FANCB: variants seen among roughly 807,000 people sequenced by gnomAD.
FANCB encodes the protein FA complementation group B.
FANCB carries 5 observed loss-of-function variants against 38.9 expected under a neutral mutation model. The observed-to-expected ratio is 0.13, with a 90% CI of 0.07 to 0.27. The LOEUF (loss-of-function observed/expected upper bound fraction) is 0.27, where lower values mean the gene tolerates loss of function less well. FANCB is among the 10% of genes least tolerant of loss of function. The probability of loss-of-function intolerance (pLI) is 1.00; values close to 1 mark genes in which losing one functional copy is unlikely to be tolerated. For synonymous variants in FANCB, 236 were observed against 215.4 expected (o/e 1.10, Z -0.84); for missense variants, 573 against 602.7 (o/e 0.95, Z 0.52).
chrX:14,772,504 C>T, the FANCB span, among the ~76,000 whole-genome samples: 1 of 112,241 alleles, frequency 8.9e-6, no homozygotes, highest in East Asian at 2.8e-4. Context: ...GTGGCAGCTG[C>T]CCCTCCTCCC....
chrX:14,851,621 T>C (rs1196773717), intron 6 of FANCB, among the ~76,000 whole-genome samples: 1 of 112,078 alleles, frequency 8.9e-6, no homozygotes, highest in African/African-American at 3.2e-5. Context: ...TTTTACTACC[T>C]GCCGCCAGGT....
At chrX:14,759,417 C>G in the FANCB span, among the ~76,000 whole-genome samples, 2 of 111,398 alleles carry the variant, frequency 1.8e-5, no homozygotes, top group Non-Finnish European at 3.8e-5. Flanking sequence ...GGCACATAGT[C>G]ATTAAGTTAT....
chrX:14,727,612 A>G, the FANCB span, among the ~76,000 whole-genome samples: 2 of 112,379 alleles, frequency 1.8e-5, no homozygotes, highest in East Asian at 5.6e-4. Context: ...ACACTGTAAT[A>G]ATTAATATAT....
the FANCB span, chrX:14,731,568 T>TTAAC: frequency 8.9e-6 from 1 of 111,983 alleles, no homozygotes; most frequent in Non-Finnish European, 1.9e-5. Flanking sequence ...TTAAATATCC[T>TTAAC]TAACTAACTT....
the FANCB span, among the ~76,000 whole-genome samples, chrX:14,758,521 G>A: frequency 1.8e-5 from 2 of 112,192 alleles, no homozygotes; most frequent in African/African-American, 6.5e-5. Flanking sequence ...ACGGCTGAGA[G>A]ACCTAAAGAC....
chrX:14,700,474 G>C, the FANCB span, among the ~76,000 whole-genome samples: 2 of 111,493 alleles, frequency 1.8e-5, no homozygotes, highest in Admixed American at 9.5e-5. Flanking sequence ...GAGAAGGTCA[G>C]ACGGCTATGT....
the FANCB span, among the ~76,000 whole-genome samples, chrX:14,759,930 A>G: frequency 1.2e-4 from 14 of 112,037 alleles, no homozygotes; most frequent in Non-Finnish European, 2.4e-4. Flanking sequence ...CCAAGGAGAA[A>G]TAAAATCCTT....
the FANCB span, chrX:14,731,217 T>C: frequency 8.9e-6 from 1 of 112,480 alleles, no homozygotes; most frequent in Non-Finnish European, 1.9e-5. Context: ...CATTTTAATA[T>C]TTTTCTTTCC....
chrX:14,740,308 A>G, the FANCB span, among the ~76,000 whole-genome samples: 3 of 111,365 alleles, frequency 2.7e-5, no homozygotes, highest in East Asian at 2.8e-4. Context: ...TTAGTCTTCA[A>G]TGCCTCCCCA....
At chrX:14,690,989 C>A in the FANCB span, 1 of 657,278 alleles carries the variant, frequency 1.5e-6, no homozygotes, top group Non-Finnish European at 2.3e-6. Context: ...TGTCCTACTA[C>A]ACTGACTTAG....
the FANCB span, among the ~76,000 whole-genome samples, chrX:14,799,863 T>C: frequency 1.8e-5 from 2 of 112,312 alleles, no homozygotes; most frequent in Non-Finnish European, 3.8e-5. Flanking sequence ...TAGTGTTTTT[T>C]GGGAAATAGA....
At chrX:14,846,722 GGA>G (rs1337315646) in intron 7 of FANCB, among the ~76,000 whole-genome samples, 2 of 110,116 alleles carry the variant, frequency 1.8e-5, no homozygotes, top group Non-Finnish European at 3.8e-5. Context: ...AGGAAATACA[GGA>G]GACAGAGAAA....
chrX:14,797,997 C>A, the FANCB span, among the ~76,000 whole-genome samples: 1 of 110,978 alleles, frequency 9.0e-6, no homozygotes, highest in Non-Finnish European at 1.9e-5. Flanking sequence ...AGCACACAGC[C>A]CTGTGATGGG....
chrX:14,871,170 G>A (rs2092494627), intron 1 of FANCB, among the ~76,000 whole-genome samples: 1 of 110,801 alleles, frequency 9.0e-6, no homozygotes, highest in East Asian at 2.8e-4. Context: ...GGAAGATTAC[G>A]CTAAAGAAGA....
intron 10 of FANCB, among the ~76,000 whole-genome samples, chrX:14,837,318 T>C (rs2092343833): frequency 8.9e-6 from 1 of 112,368 alleles, no homozygotes; most frequent in Non-Finnish European, 1.9e-5. Context: ...ACTTCAGAGA[T>C]TCTCAGGGCC....
the FANCB span, among the ~76,000 whole-genome samples, chrX:14,800,974 G>A: frequency 1.8e-5 from 2 of 111,568 alleles, no homozygotes; most frequent in African/African-American, 6.5e-5. Flanking sequence ...TTGTTTACAT[G>A]CTGAGCTGAT....
chrX:14,745,266 C>A, the FANCB span, among the ~76,000 whole-genome samples: 1 of 111,644 alleles, frequency 9.0e-6, no homozygotes, highest in African/African-American at 3.3e-5. Context: ...GGGGTTTGGG[C>A]TCCACTGACA....
the FANCB span, among the ~76,000 whole-genome samples, chrX:14,803,985 T>C: frequency 0.011 from 1,256 of 110,726 alleles, 14 homozygotes; most frequent in African/African-American, 0.038. Flanking sequence ...CAGGAAACAA[T>C]AGGTGCTGGA....
At position 14,850,539 on chromosome X, in the gene FANCB, C is replaced by T. The variant is rs1331870423; in HGVS notation, c.1462G>A (p.Val488Ile). The T allele has an allele frequency of 8.3e-7, 1 of 1,204,061 alleles. No homozygotes were observed. Among genetic ancestry groups the T allele is most frequent in the Non-Finnish European group, 1.1e-6 (1 of 888,827 alleles). ...IWYRVIDDSL[V>I]VGVKTTSSLK... is the part of the protein sequence containing the mutation. The stretch of plus-strand genomic sequence containing the variant: ...GAAGATGTAGTTTTCACTCCAACAA[C>T]CAAGCTATCATCTATTACACGATAC... The change falls in exon 7 of 10, where the codon GTT becomes ATT. Residue 488 changes from valine (V) to isoleucine (I), a missense_variant. Coordinates refer to ENST00000650831, the MANE Select transcript of FANCB (RefSeq NM_001018113.3).
Sources: allele counts gnomAD v4.1 joint callset (sites outside exome capture counted in the v4.1 genomes callset), GRCh38; gene constraint gnomAD v4.1.1; transcripts MANE v1.5; gene names NCBI Gene and HGNC (gene_info 2026-07-23, HGNC 2026-07-21).